The following TNR variants were observed in gnomAD, a reference collection of about 807,000 sequenced individuals.
TNR encodes tenascin-R.
In TNR, 45 loss-of-function variants were observed where a neutral mutation model predicts 150.4. The observed-to-expected ratio is 0.30, with a 90% CI of 0.24 to 0.38. TNR has a LOEUF of 0.38. TNR is among the 10% of genes least tolerant of loss of function. The pLI, the probability that TNR is intolerant of heterozygous loss-of-function variation, is 1.00. For synonymous variants in TNR, 687 were observed against 678.4 expected (o/e 1.01, Z -0.20); for missense variants, 1,544 against 1,759.1 (o/e 0.88, Z 2.19).
chr1:175,478,841 C>T (rs1210327372), intron 2 of TNR, among the ~76,000 whole-genome samples: 1 of 152,176 alleles, frequency 6.6e-6, no homozygotes, highest in Non-Finnish European at 1.5e-5. Context: ...TTAAATTCTA[C>T]TTATGATCAC....
chr1:175,330,343 A>G (rs1358991215), intron 20 of TNR, 108 bp from the exon 21 acceptor site: 35 of 1,191,108 alleles, frequency 2.9e-5, no homozygotes, highest in Non-Finnish European at 4.0e-5. Flanking sequence ...AGAGGAGGGG[A>G]CTCCAGATTG....
chr1:175,512,220 C>A (rs771674506), intron 2 of TNR, among the ~76,000 whole-genome samples: 1 of 152,122 alleles, frequency 6.6e-6, no homozygotes, highest in Non-Finnish European at 1.5e-5. Flanking sequence ...AGCACCCTCT[C>A]CAAAGGAGTT....
At chr1:175,710,979 G>A (rs1666996461) in intron 1 of TNR, among the ~76,000 whole-genome samples, 1 of 152,020 alleles carries the variant, frequency 6.6e-6, no homozygotes, top group Admixed American at 6.5e-5. Context: ...GTGATATACG[G>A]CACCTCCTCC....
chr1:175,337,704 A>T (rs762087038), intron 18 of TNR, 25 bp from the exon 19 acceptor site: 3 of 1,612,654 alleles, frequency 1.9e-6, no homozygotes, highest in Admixed American at 1.7e-5. Flanking sequence ...GACAATGTCC[A>T]GAAAGGATTC....
intron 1 of TNR, among the ~76,000 whole-genome samples, chr1:175,649,595 C>T (rs1010031388): frequency 6.6e-6 from 1 of 152,158 alleles, no homozygotes; most frequent in Non-Finnish European, 1.5e-5. Context: ...CAAGAGTGAC[C>T]ACCAGGAGGT....
intron 1 of TNR, among the ~76,000 whole-genome samples, chr1:175,612,071 A>G (rs1310772529): frequency 6.6e-6 from 1 of 152,180 alleles, no homozygotes; most frequent in Non-Finnish European, 1.5e-5. Flanking sequence ...CCTGCCACAG[A>G]GTCCTTTCTA....
At chr1:175,688,620 T>C (rs2101916155) in intron 1 of TNR, among the ~76,000 whole-genome samples, 2 of 152,246 alleles carry the variant, frequency 1.3e-5, no homozygotes, top group Middle Eastern at 6.8e-3. Context: ...GAGGATGCAA[T>C]TTGCATGGTG....
chr1:175,503,072 G>A (rs1443649374), intron 2 of TNR, among the ~76,000 whole-genome samples: 1 of 151,398 alleles, frequency 6.6e-6, no homozygotes, highest in East Asian at 1.9e-4. Flanking sequence ...GAGAAAATAG[G>A]ATGCCCCGCC....
intron 1 of TNR, among the ~76,000 whole-genome samples, chr1:175,691,082 A>G (rs527715583): frequency 6.6e-6 from 1 of 152,256 alleles, no homozygotes; most frequent in South Asian, 2.1e-4. Flanking sequence ...TTGAGATGTT[A>G]ATTAAACATC....
intron 1 of TNR, among the ~76,000 whole-genome samples, chr1:175,665,338 T>C (rs17311986): frequency 0.073 from 11,188 of 152,228 alleles, 486 homozygotes; most frequent in East Asian, 0.12. Context: ...GTGTAAGAGA[T>C]ACTGCCAGGC....
At chr1:175,521,330 C>T (rs367791913) in intron 2 of TNR, among the ~76,000 whole-genome samples, 3 of 152,246 alleles carry the variant, frequency 2.0e-5, no homozygotes, top group East Asian at 1.9e-4. Flanking sequence ...GTTAGTCATA[C>T]GAGAATTCAG....
intron 1 of TNR, among the ~76,000 whole-genome samples, chr1:175,731,919 G>A (rs1408854068): frequency 1.3e-5 from 2 of 152,218 alleles, no homozygotes; most frequent in Non-Finnish European, 2.9e-5. Flanking sequence ...TCTTGGCATG[G>A]TTTGCTGCTG....
chr1:175,400,411 A>C (rs1282762537), intron 4 of TNR, among the ~76,000 whole-genome samples: 1 of 152,106 alleles, frequency 6.6e-6, no homozygotes, highest in Non-Finnish European at 1.5e-5. Flanking sequence ...TAAAATGAGA[A>C]GCTTCTTTCT....
chr1:175,606,688 G>A (rs1187473955), intron 1 of TNR, among the ~76,000 whole-genome samples: 2 of 151,902 alleles, frequency 1.3e-5, no homozygotes, highest in African/African-American at 4.8e-5. Context: ...CCCCCCACCC[G>A]ACCCCCACAG....
At chr1:175,571,672 C>T (rs2102220038) in intron 1 of TNR, among the ~76,000 whole-genome samples, 1 of 152,298 alleles carries the variant, frequency 6.6e-6, no homozygotes, top group South Asian at 2.1e-4. Context: ...CACTCCATGT[C>T]CTTCTCCTGC....
At chr1:175,645,532 C>T (rs369368748) in intron 1 of TNR, among the ~76,000 whole-genome samples, 9 of 152,100 alleles carry the variant, frequency 5.9e-5, no homozygotes, top group Non-Finnish European at 8.8e-5. Context: ...GAACATTGAA[C>T]GACATAATGG....
intron 1 of TNR, among the ~76,000 whole-genome samples, chr1:175,632,567 GCAGAGAC>G (rs1352749816): frequency 6.6e-6 from 1 of 152,234 alleles, no homozygotes; most frequent in Non-Finnish European, 1.5e-5. Flanking sequence ...GTTAGATCCT[GCAGAGAC>G]CAAGTACTTC....
At chr1:175,364,966 T>G in intron 12 of TNR, 44 bp downstream of exon 12, 1 of 1,561,486 alleles carries the variant, frequency 6.4e-7, no homozygotes, top group Non-Finnish European at 8.7e-7. Flanking sequence ...AAGGCTACTG[T>G]GAAAACCCCT....
chr1:175,614,679 C>T (rs1490488116), intron 1 of TNR, among the ~76,000 whole-genome samples: 2 of 152,208 alleles, frequency 1.3e-5, no homozygotes, highest in East Asian at 1.9e-4. Flanking sequence ...CCCTTGGTGA[C>T]CTTAGTGTCC....
Sources: allele counts gnomAD v4.1 joint callset (sites outside exome capture counted in the v4.1 genomes callset), GRCh38; gene constraint gnomAD v4.1.1; transcripts MANE v1.5; gene names NCBI Gene and HGNC (gene_info 2026-07-23, HGNC 2026-07-21).